CAPN10: variants seen among roughly 807,000 people sequenced by gnomAD.
CAPN10 encodes the protein calpain 10, also known as calpain-10.
CAPN10 carries 71 observed loss-of-function variants against 78.4 expected under a neutral mutation model. That is an observed-to-expected ratio of 0.91 (90% confidence interval 0.75 to 1.10). CAPN10 has a LOEUF of 1.10. CAPN10 is among the 50% of genes least tolerant of loss of function. The probability of loss-of-function intolerance (pLI) is 0.00; values close to 1 mark genes in which losing one functional copy is unlikely to be tolerated. For missense variants in CAPN10, 849 were observed against 924.6 expected, an observed-to-expected ratio of 0.92 and a Z score of 1.06; for synonymous variants, 437 against 407.2, an observed-to-expected ratio of 1.07 and a Z score of -0.88.
chr2:240,594,364 A>T, intron 5 of CAPN10, 179 bp from the exon 6 acceptor site: 1 of 694,272 alleles, frequency 1.4e-6, no homozygotes, highest in Non-Finnish European at 2.5e-6. Context: ...GCCGCTGCCC[A>T]GAAGGCCCTG....
intron 3 of CAPN10, 62 bp downstream of exon 3, chr2:240,591,073 G>T: frequency 6.6e-7 from 1 of 1,510,784 alleles, no homozygotes; most frequent in Non-Finnish European, 9.1e-7. Context: ...ACTACCATGG[G>T]CTGCCCCAGG....
rs770826232 is a variant in CAPN10 at position 240,593,972 on chromosome 2, C to T, written c.755C>T (p.Ala252Val). Residue 252 changes from alanine to valine, a missense_variant, in exon 5 of 12, where the codon GCG (alanine) becomes GTG (valine). By Grantham distance (64) the Ala-to-Val change is moderately conservative. Transcript: ENST00000391984. ...VSDLRELQGQ[A>V]GQCILLLRIQ... ...GACCTGCGGGAGCTCCAGGGTCAGG[C>T]GGGCCAGTGCATCCTGCTGCTGCGG... The T allele has an allele frequency of 2.0e-5, 33 of 1,611,284 alleles. No individual in the cohort carries two copies. The highest frequency in any genetic ancestry group is 2.7e-5 in the Non-Finnish European group (32 of 1,178,404).
intron 7 of CAPN10, among the ~76,000 whole-genome samples, chr2:240,595,588 C>T (rs1465159755): frequency 6.6e-6 from 1 of 152,208 alleles, no homozygotes; most frequent in Non-Finnish European, 1.5e-5. Context: ...GGGGCCTGGA[C>T]CCGGGGGGCT....
rs1043071570 is a variant in CAPN10, at chr2:240,591,276, G to A, written c.470+265G>A. On this transcript the variant is annotated intron_variant, in intron 3 of 11. Coordinates refer to ENST00000391984, the MANE Select transcript of CAPN10 (RefSeq NM_023083.4). ...GTTCTCCACAGAGAACATGTGTGCCGTCCTCCTTATTTTATCGGCCCCAGC... is the reference window on the plus strand; with the variant it reads ...GTTCTCCACAGAGAACATGTGTGCCATCCTCCTTATTTTATCGGCCCCAGC... 6.6e-5 allele frequency: 29 copies of A among 437,492 alleles called. 1 individual carries two copies. The highest frequency in any genetic ancestry group is 4.2e-4 in the South Asian group (10 of 24,050). The allele number at this position is 437,492 out of a possible 1,614,324, so 27.1% of individuals were successfully genotyped here.
intron 2 of CAPN10, chr2:240,589,771 G>GATCT: frequency 3.0e-6 from 1 of 329,982 alleles, no homozygotes; most frequent in South Asian, 7.2e-5. Flanking sequence ...AGAATAAAGA[G>GATCT]ACAAATGTGC....
At chr2:240,594,149 G>C in intron 5 of CAPN10, 102 bp downstream of exon 5, 1 of 1,287,936 alleles carries the variant, frequency 7.8e-7, no homozygotes, top group South Asian at 1.7e-5. Context: ...GTACTTGGCT[G>C]TCTCCAGCAA....
At chr2:240,593,409 A>G (rs1405057201) in intron 4 of CAPN10, among the ~76,000 whole-genome samples, 1 of 152,202 alleles carries the variant, frequency 6.6e-6, no homozygotes, top group Non-Finnish European at 1.5e-5. Flanking sequence ...TTCTATGCCC[A>G]TCTGTCTCAA....
In CAPN10 at chr2:240,595,134, C is replaced by T. The variant is rs757489978; in HGVS notation, c.1108C>T (p.Arg370Trp). ...GFPSNPKFWL[R>W]VSEPSEVYIA... ...TCCCAGCAACCCCAAATTCTGGCTG[C>T]GGGTCTCAGAACCGAGTGAGGTGTA... Residue 370 changes from arginine to tryptophan, a missense_variant, in exon 7 of 12, where the codon CGG becomes TGG. By Grantham distance (101) the Arg-to-Trp change is moderately radical. Coordinates refer to ENST00000391984, the MANE Select transcript of CAPN10 (RefSeq NM_023083.4). The T allele has an allele frequency of 4.3e-6, 7 of 1,613,956 alleles. No individual in the cohort carries two copies. Among genetic ancestry groups the T allele is most frequent in the East Asian group, 2.2e-5 (1 of 44,882 alleles).
intron 1 of CAPN10, among the ~76,000 whole-genome samples, chr2:240,588,670 C>G (rs1278387464): frequency 1.3e-5 from 2 of 152,098 alleles, no homozygotes; most frequent in Non-Finnish European, 2.9e-5. Flanking sequence ...GCTAGAGGAG[C>G]CTGTGTGGAG....
chr2:240,596,165 A>G, intron 7 of CAPN10, 154 bp from the exon 8 acceptor site: 3 of 1,492,152 alleles, frequency 2.0e-6, no homozygotes, highest in African/African-American at 1.4e-5. Context: ...GGGCATCTCT[A>G]GCTGGTCCCT....
intron 7 of CAPN10, 193 bp from the exon 8 acceptor site, chr2:240,596,126 G>T: frequency 6.6e-7 from 1 of 1,518,588 alleles, no homozygotes; most frequent in South Asian, 1.3e-5. Flanking sequence ...AGATACTGGC[G>T]CCAGGGCCAA....
In CAPN10 at chr2:240,598,637, A is replaced by G. The variant is rs2093152809; in HGVS notation, c.1990-14A>G. ...AGTGCCACCGCTGCCCGGGCCCCCC[A>G]TCTGTCTTTGCAGGTCTCCATCATG... On this transcript the variant is annotated splice_polypyrimidine_tract_variant and intron_variant, in intron 11 of 11. Coordinates refer to ENST00000391984, the MANE Select transcript of CAPN10 (RefSeq NM_023083.4). The G allele has an allele frequency of 4.4e-6, 7 of 1,574,380 alleles. No homozygotes were observed. Among genetic ancestry groups the G allele is most frequent in the Non-Finnish European group, 5.2e-6 (6 of 1,160,382 alleles).
intron 2 of CAPN10, 69 bp from the exon 3 acceptor site, chr2:240,590,746 G>C: frequency 2.0e-6 from 3 of 1,479,088 alleles, no homozygotes; most frequent in Non-Finnish European, 2.8e-6. Flanking sequence ...CACCGCGGCC[G>C]GGACACTGGA....
chr2:240,594,807 T>G (rs2093125631), intron 6 of CAPN10, 98 bp downstream of exon 6: 2 of 901,726 alleles, frequency 2.2e-6, no homozygotes, highest in African/African-American at 2.2e-5. Context: ...CCCAGTTTGG[T>G]TCTCTTCAGC....
At chr2:240,594,100 G>A in intron 5 of CAPN10, 53 bp downstream of exon 5, 1 of 1,508,222 alleles carries the variant, frequency 6.6e-7, no homozygotes, top group Non-Finnish European at 8.9e-7. Flanking sequence ...CCCAGTGCCA[G>A]TCTGGCCTGT....
In CAPN10 at chr2:240,592,084, T is replaced by C; in HGVS notation, c.622T>C (p.Cys208Arg). The C allele has an allele frequency of 6.3e-7, 1 of 1,599,702 alleles. No individual in the cohort carries two copies. The highest frequency in any genetic ancestry group is 8.5e-7 in the Non-Finnish European group (1 of 1,174,724). ...DRPGRWEHRT[C>R]RQLLHLKDQC... ...GCCAGGCCGCTGGGAGCACAGGACTTGTCGGCAGCTGCTCCACCTGAAGGA... is the reference window on the plus strand; with the variant it reads ...GCCAGGCCGCTGGGAGCACAGGACTCGTCGGCAGCTGCTCCACCTGAAGGA... Residue 208 changes from cysteine (C) to arginine (R), a missense_variant, in exon 4 of 12, where the codon TGT becomes CGT. Transcript: ENST00000391984.
chr2:240,595,877 G>T, intron 7 of CAPN10: 1 of 1,204,202 alleles, frequency 8.3e-7, no homozygotes, highest in Non-Finnish European at 1.1e-6. Flanking sequence ...AGTGTGGGTC[G>T]AGGATATGCC....
At chr2:240,595,483 C>G (rs1243499629) in intron 7 of CAPN10, 179 bp downstream of exon 7, 1 of 660,946 alleles carries the variant, frequency 1.5e-6, no homozygotes, top group Non-Finnish European at 2.6e-6. Context: ...CCAGACCCGG[C>G]TCTGACCTGA....
chr2:240,597,854 T>G (rs532819700), intron 9 of CAPN10, 34 bp from the exon 10 acceptor site: 1 of 1,548,942 alleles, frequency 6.5e-7, no homozygotes, highest in Non-Finnish European at 8.7e-7. Context: ...ACCCCAAGGC[T>G]GGCCCCCTCA....
Sources: allele counts gnomAD v4.1 joint callset (sites outside exome capture counted in the v4.1 genomes callset), GRCh38; gene constraint gnomAD v4.1.1; transcripts MANE v1.5; gene names NCBI Gene and HGNC (gene_info 2026-07-23, HGNC 2026-07-21).